The following TMEFF2 variants were observed in gnomAD, a reference collection of about 807,000 sequenced individuals.
The protein encoded by TMEFF2 is tomoregulin-2.
TMEFF2 carries 28 observed loss-of-function variants against 53.8 expected under a neutral mutation model. That is an observed-to-expected ratio of 0.52 (90% CI 0.39 to 0.71). The LOEUF (loss-of-function observed/expected upper bound fraction) is 0.71. Among genes scored for constraint, TMEFF2 ranks in the 30% least tolerant of loss-of-function variants. TMEFF2 has a pLI of 0.00. For missense variants in TMEFF2, 353 were observed against 455.2 expected, an observed-to-expected ratio of 0.78 and a Z score of 2.04; for synonymous variants, 162 against 166.3, an observed-to-expected ratio of 0.97 and a Z score of 0.20.
chr2:192,104,583 A>C (rs1274786570), intron 4 of TMEFF2, among the ~76,000 whole-genome samples: 1 of 152,124 alleles, frequency 6.6e-6, no homozygotes, highest in Non-Finnish European at 1.5e-5. Context: ...TGACAATTTT[A>C]AACCTCTTCT....
chr2:192,158,931 A>G (rs1690570554), intron 4 of TMEFF2, among the ~76,000 whole-genome samples: 1 of 152,088 alleles, frequency 6.6e-6, no homozygotes, highest in African/African-American at 2.4e-5. Context: ...GGTTCTCCCT[A>G]TTGACTACCT....
chr2:192,088,524 G>C (rs1019264297), intron 4 of TMEFF2, among the ~76,000 whole-genome samples: 1 of 152,032 alleles, frequency 6.6e-6, no homozygotes, highest in Non-Finnish European at 1.5e-5. Context: ...AACATTATGG[G>C]CACCACTATA....
At chr2:192,073,034 G>A (rs1336932824) in intron 4 of TMEFF2, among the ~76,000 whole-genome samples, 1 of 151,904 alleles carries the variant, frequency 6.6e-6, no homozygotes, top group Non-Finnish European at 1.5e-5. Context: ...CAAAGAGAAA[G>A]GTTGTTAACC....
chr2:192,058,296 G>A (rs1482275794), intron 4 of TMEFF2, among the ~76,000 whole-genome samples: 2 of 152,058 alleles, frequency 1.3e-5, no homozygotes, highest in Non-Finnish European at 2.9e-5. Flanking sequence ...ATAAGAAAAA[G>A]TATGTTGATT....
intron 7 of TMEFF2, among the ~76,000 whole-genome samples, chr2:191,980,219 C>T (rs1373660170): frequency 6.6e-6 from 1 of 152,130 alleles, no homozygotes; most frequent in African/African-American, 2.4e-5. Flanking sequence ...TCACATTAAA[C>T]ACAGTGAAGG....
At chr2:191,973,766 T>A (rs1207395961) in intron 7 of TMEFF2, among the ~76,000 whole-genome samples, 1 of 151,944 alleles carries the variant, frequency 6.6e-6, no homozygotes, top group African/African-American at 2.4e-5. Flanking sequence ...CGGTGGGAGG[T>A]AATTGAATCA....
intron 4 of TMEFF2, among the ~76,000 whole-genome samples, chr2:192,084,454 T>TAA (rs142549853): frequency 6.6e-6 from 1 of 151,706 alleles, no homozygotes; most frequent in African/African-American, 2.4e-5. Flanking sequence ...AGCATCCATG[T>TAA]AAAAAAAAGG....
At chr2:191,955,577 G>C (rs1692056589) in intron 8 of TMEFF2, among the ~76,000 whole-genome samples, 1 of 112,320 alleles carries the variant, frequency 8.9e-6, no homozygotes, top group South Asian at 3.2e-4. Flanking sequence ...TGTTGCCCAG[G>C]CTGGCTTCAA....
chr2:192,097,050 G>T (rs772853631), intron 4 of TMEFF2, among the ~76,000 whole-genome samples: 1 of 152,182 alleles, frequency 6.6e-6, no homozygotes. Flanking sequence ...TCAAATTTGT[G>T]TGTATACTGC....
rs574483802 is a variant in TMEFF2, at chr2:191,961,399, T to TTGAA, written c.746-5025_746-5022dup. Among the ~76,000 whole-genome samples the TTGAA allele has an allele frequency of 1.2e-3, 177 of 152,314 alleles. 4 individuals are homozygous for TTGAA. The highest frequency in any genetic ancestry group is 8.8e-5 in the Non-Finnish European group (6 of 68,006). On this transcript the variant is annotated intron_variant, in intron 7 of 9. Coordinates refer to ENST00000272771, the MANE Select transcript of TMEFF2 (RefSeq NM_016192.4). ...TATAGAAAAACAAAAATTTTCAGTT[T>TTGAA]TGAATGTGTTTATGTAATCTTGCTA...
chr2:192,121,027 C>T (rs996074546), intron 4 of TMEFF2, among the ~76,000 whole-genome samples: 1 of 152,106 alleles, frequency 6.6e-6, no homozygotes, highest in African/African-American at 2.4e-5. Flanking sequence ...AGCCACCACA[C>T]CCAGCCTGAA....
chr2:192,016,539 AAT>A (rs1160980090), intron 5 of TMEFF2, among the ~76,000 whole-genome samples: 13 of 152,206 alleles, frequency 8.5e-5, no homozygotes, highest in Non-Finnish European at 1.2e-4. Context: ...CAGTAGATGA[AAT>A]ATGCCAAGGA....
intron 4 of TMEFF2, chr2:192,176,763 G>A (rs542921710): frequency 1.3e-5 from 2 of 151,228 alleles, no homozygotes; most frequent in East Asian, 3.9e-4. Context: ...AATGGGTTAA[G>A]CTTAAATTAT....
intron 4 of TMEFF2, among the ~76,000 whole-genome samples, chr2:192,175,203 A>G (rs1301858659): frequency 6.6e-6 from 1 of 151,686 alleles, no homozygotes; most frequent in Non-Finnish European, 1.5e-5. Flanking sequence ...ATTACTAAAT[A>G]TTATAAAATC....
chr2:192,006,056 G>T (rs1686492362), intron 5 of TMEFF2, among the ~76,000 whole-genome samples: 1 of 111,132 alleles, frequency 9.0e-6, no homozygotes, highest in African/African-American at 3.0e-5. Flanking sequence ...CAGGTCTCAG[G>T]TGACTTTTTT....
intron 5 of TMEFF2, among the ~76,000 whole-genome samples, chr2:192,039,222 A>G (rs1210133504): frequency 1.3e-5 from 2 of 152,210 alleles, no homozygotes; most frequent in African/African-American, 2.4e-5. Flanking sequence ...GATTTATAGG[A>G]AAAAAAGGCA....
intron 4 of TMEFF2, among the ~76,000 whole-genome samples, chr2:192,112,998 G>T (rs1324555959): frequency 6.6e-6 from 1 of 152,052 alleles, no homozygotes; most frequent in African/African-American, 2.4e-5. Flanking sequence ...CCCAGTCTTG[G>T]GTTGTCTTTG....
At chr2:192,078,426 A>G (rs1190854260) in intron 4 of TMEFF2, among the ~76,000 whole-genome samples, 1 of 152,184 alleles carries the variant, frequency 6.6e-6, no homozygotes, top group Non-Finnish European at 1.5e-5. Context: ...AAAAATATTT[A>G]TATTCAAACC....
chr2:191,972,148 GT>G (rs68101125), intron 7 of TMEFF2, among the ~76,000 whole-genome samples: 129,785 of 136,588 alleles, frequency 0.95, 61,731 homozygotes, highest in East Asian at 0.99. Context: ...GTGTTTTTTT[GT>G]TTTTTTTTTT....
Sources: allele counts gnomAD v4.1 joint callset (sites outside exome capture counted in the v4.1 genomes callset), GRCh38; gene constraint gnomAD v4.1.1; transcripts MANE v1.5; gene names NCBI Gene and HGNC (gene_info 2026-07-23, HGNC 2026-07-21).